The following BBS9 variants were observed in gnomAD, a reference collection of about 807,000 sequenced individuals.
BBS9 encodes protein PTHB1.
In BBS9, 89 loss-of-function variants were observed where a neutral mutation model predicts 117.7. The ratio of observed to expected loss-of-function variants is 0.76; its 90% confidence interval spans 0.64 to 0.90. The LOEUF is 0.90. Ranked by LOEUF, BBS9 falls within the 40% of genes least tolerant of loss-of-function variation. BBS9 has a pLI of 0.00. For synonymous variants in BBS9, 379 were observed against 370.9 expected (o/e 1.02, Z -0.25); for missense variants, 982 against 1,042.2 (o/e 0.94, Z 0.80).
At chr7:33,162,363 G>A (rs1189793597) in intron 4 of BBS9, among the ~76,000 whole-genome samples, 1 of 151,920 alleles carries the variant, frequency 6.6e-6, no homozygotes, top group African/African-American at 2.4e-5. Context: ...TTGTAGACGT[G>A]TGGTGTTATT....
chr7:33,548,480 A>C (rs890809609), intron 21 of BBS9, among the ~76,000 whole-genome samples: 1 of 145,550 alleles, frequency 6.9e-6, no homozygotes, highest in African/African-American at 2.5e-5. Flanking sequence ...TATATCTCCC[A>C]ATGCTATCCC....
At chr7:33,466,051 T>C (rs1235875110) in intron 19 of BBS9, among the ~76,000 whole-genome samples, 1 of 150,912 alleles carries the variant, frequency 6.6e-6, no homozygotes, top group East Asian at 1.9e-4. Context: ...GTATATAACA[T>C]TTTTTGAGAG....
At chr7:33,479,897 G>T (rs1419575310) in intron 19 of BBS9, among the ~76,000 whole-genome samples, 1 of 151,990 alleles carries the variant, frequency 6.6e-6, no homozygotes, top group African/African-American at 2.4e-5. Flanking sequence ...CATGTTCTTT[G>T]CCCATTTTTT....
chr7:33,596,871 C>G (rs17170309), intron 21 of BBS9, among the ~76,000 whole-genome samples: 15,578 of 152,064 alleles, frequency 0.1, 1,081 homozygotes, highest in African/African-American at 0.19. Context: ...TTGCCAAAAA[C>G]TTTCTAAATA....
intron 20 of BBS9, among the ~76,000 whole-genome samples, chr7:33,514,991 G>A (rs1847526300): frequency 6.6e-6 from 1 of 152,112 alleles, no homozygotes; most frequent in African/African-American, 2.4e-5. Flanking sequence ...TTGAGATAAA[G>A]TACATGAAGT....
chr7:33,184,966 C>A (rs1433414937), intron 5 of BBS9, among the ~76,000 whole-genome samples: 1 of 152,150 alleles, frequency 6.6e-6, no homozygotes, highest in African/African-American at 2.4e-5. Flanking sequence ...AAAGGGTGGG[C>A]AATTTCCCCA....
At chr7:33,181,188 C>G (rs1798054705) in intron 5 of BBS9, among the ~76,000 whole-genome samples, 1 of 152,176 alleles carries the variant, frequency 6.6e-6, no homozygotes. Flanking sequence ...CCCAGGGGAG[C>G]TGCCAGAGTG....
intron 20 of BBS9, among the ~76,000 whole-genome samples, chr7:33,512,920 G>A (rs1217380029): frequency 1.3e-5 from 2 of 152,122 alleles, no homozygotes; most frequent in African/African-American, 2.4e-5. Flanking sequence ...ATCCGAAGTA[G>A]CCTTTTTGCC....
At chr7:33,331,554 A>G (rs1333377153) in intron 9 of BBS9, among the ~76,000 whole-genome samples, 3 of 152,164 alleles carry the variant, frequency 2.0e-5, no homozygotes, top group African/African-American at 7.2e-5. Flanking sequence ...CAAATTCAGT[A>G]AAGTCTCAGG....
chr7:33,289,760 G>A (rs1161703575), intron 9 of BBS9, among the ~76,000 whole-genome samples: 3 of 151,972 alleles, frequency 2.0e-5, no homozygotes, highest in African/African-American at 7.3e-5. Context: ...AAATTTTCTT[G>A]GGGCCAGGTG....
chr7:33,584,622 T>A (rs967559103), intron 21 of BBS9, among the ~76,000 whole-genome samples: 1 of 152,130 alleles, frequency 6.6e-6, no homozygotes, highest in Non-Finnish European at 1.5e-5. Context: ...ATTTGAGGAC[T>A]TAATTGAATC....
chr7:33,427,526 T>A (rs1833823972), intron 19 of BBS9, among the ~76,000 whole-genome samples: 1 of 152,236 alleles, frequency 6.6e-6, no homozygotes. Context: ...ATATCAATTA[T>A]GTTTTGCTAC....
intron 5 of BBS9, among the ~76,000 whole-genome samples, chr7:33,237,700 C>T (rs1179567232): frequency 6.6e-6 from 1 of 152,132 alleles, no homozygotes; most frequent in Non-Finnish European, 1.5e-5. Flanking sequence ...TTAAATTAAC[C>T]TTCTCACTGA....
chr7:33,548,641 C>T (rs1563342434), intron 21 of BBS9, among the ~76,000 whole-genome samples: 1 of 151,650 alleles, frequency 6.6e-6, no homozygotes, highest in Non-Finnish European at 1.5e-5. Flanking sequence ...AACAGACAAA[C>T]AGAGAGCCAA....
chr7:33,403,919 T>G (rs1225056250), intron 19 of BBS9, among the ~76,000 whole-genome samples: 5 of 152,298 alleles, frequency 3.3e-5, no homozygotes, highest in South Asian at 2.1e-4. Flanking sequence ...TGAACTAGTT[T>G]ACAGTCCCAC....
rs539501436 is a variant in BBS9 at position 33,376,995 on chromosome 7, T to G, written c.1790-6671T>G. 4.1e-4 allele frequency among the ~76,000 whole-genome samples: 63 copies of G among 152,320 alleles called. 1 individual carries two copies. The highest frequency in any genetic ancestry group is 1.4e-3 in the African/African-American group (60 of 41,580). On this transcript the variant is annotated intron_variant, in intron 17 of 22. Transcript: ENST00000242067. ...CAAATATTTTCTCTTATTTTGTAGG[T>G]CATCTGTATACTCTGTTGATAGTTT...
intron 9 of BBS9, among the ~76,000 whole-genome samples, chr7:33,315,373 C>T (rs1163164416): frequency 6.6e-6 from 1 of 152,140 alleles, no homozygotes; most frequent in African/African-American, 2.4e-5. Flanking sequence ...CCTTTTCTGT[C>T]TCTTACAAGG....
intron 17 of BBS9, among the ~76,000 whole-genome samples, chr7:33,382,346 G>C (rs1404662550): frequency 1.3e-5 from 2 of 151,690 alleles, no homozygotes; most frequent in Non-Finnish European, 2.9e-5. Flanking sequence ...TATAATCCCA[G>C]TTGTTTGGGA....
intron 19 of BBS9, among the ~76,000 whole-genome samples, chr7:33,484,630 C>G (rs1198968480): frequency 6.6e-6 from 1 of 152,044 alleles, no homozygotes; most frequent in Non-Finnish European, 1.5e-5. Flanking sequence ...ATTAAAAAGT[C>G]AATAAACAAC....
Sources: gnomAD v4.1 joint callset for allele counts (sites outside exome capture counted in the v4.1 genomes callset) on GRCh38, gnomAD v4.1.1 for gene constraint, MANE v1.5 for transcripts, NCBI Gene and HGNC (gene_info 2026-07-23, HGNC 2026-07-21) for gene names.